ELP4: variants seen among roughly 807,000 people sequenced by gnomAD.
The protein encoded by ELP4 is elongator acetyltransferase complex subunit 4, also known as elongator complex protein 4.
ELP4 carries 51 observed loss-of-function variants against 48.9 expected under a neutral mutation model. The ratio of observed to expected loss-of-function variants is 1.04; its 90% CI spans 0.83 to 1.32. ELP4 has a LOEUF of 1.32. Among genes scored for constraint, ELP4 ranks in the 40% most tolerant of loss-of-function variants. The pLI is 0.00. For missense variants in ELP4, 519 were observed against 514.6 expected (o/e 1.01, Z -0.08); for synonymous variants, 210 against 189.2 (o/e 1.11, Z -0.90).
chr11:31,677,950 A>G (rs565464702), intron 9 of ELP4, among the ~76,000 whole-genome samples: 73 of 152,296 alleles, frequency 4.8e-4, no homozygotes, highest in South Asian at 2.3e-3. Context: ...TTCCCATCAC[A>G]GTATCATATG....
intron 6 of ELP4, among the ~76,000 whole-genome samples, chr11:31,631,225 AGTTG>A (rs1283836968): frequency 2.6e-5 from 4 of 152,160 alleles, no homozygotes; most frequent in African/African-American, 9.7e-5. Context: ...GACAATAACT[AGTTG>A]GTTAATAAAT....
chr11:31,669,842 A>G (rs922928681), intron 9 of ELP4, among the ~76,000 whole-genome samples: 1 of 152,124 alleles, frequency 6.6e-6, no homozygotes, highest in African/African-American at 2.4e-5. Context: ...CCAAACCCAA[A>G]CTAAACTGTT....
rs375703526 is a variant in ELP4 at position 31,650,084 on chromosome 11, A to T, written c.1037-31A>T. On this transcript the variant is annotated intron_variant, in intron 8 of 9. Transcript: ENST00000640961. ...TATGCATCTGATGACAATGTTTTAA[A>T]TTTTTTTTCTTTTAATTTCTTTTCC... 297 of 924,604 alleles carry T rather than the reference A, an allele frequency of 3.2e-4. 1 individual carries two copies. The African/African-American group carries it at 3.8e-3, about 12-fold the overall frequency. 57.3% of individuals were successfully genotyped at this position (924,604 alleles called of 1,614,324 possible).
At chr11:31,753,630 G>C (rs12292801) in intron 9 of ELP4, among the ~76,000 whole-genome samples, 2,874 of 152,266 alleles carry the variant, frequency 0.019, 96 homozygotes, top group African/African-American at 0.065. Context: ...AATTCCACTT[G>C]TGGATATACA....
intron 9 of ELP4, among the ~76,000 whole-genome samples, chr11:31,744,318 G>A (rs1947527307): frequency 1.3e-5 from 2 of 152,180 alleles, no homozygotes; most frequent in Admixed American, 6.5e-5. Context: ...GAGGTACAAG[G>A]AGGAGCTGGT....
intron 3 of ELP4, among the ~76,000 whole-genome samples, chr11:31,579,893 C>T (rs926524340): frequency 3.3e-5 from 5 of 151,730 alleles, no homozygotes; most frequent in African/African-American, 9.7e-5. Context: ...ATGTAACAAA[C>T]CTGCACATTG....
chr11:31,653,263 TC>T (rs1945360584), intron 9 of ELP4: 1 of 151,728 alleles, frequency 6.6e-6, no homozygotes, highest in African/African-American at 2.4e-5. Flanking sequence ...TAAGTAAAAG[TC>T]AAAGTTTGAA....
At chr11:31,582,247 A>T (rs1409592499) in intron 3 of ELP4, among the ~76,000 whole-genome samples, 2 of 152,196 alleles carry the variant, frequency 1.3e-5, no homozygotes, top group Non-Finnish European at 2.9e-5. Context: ...TTGAGGATTA[A>T]ATATGTTCAT....
At chr11:31,545,347 CAGT>C (rs1349556636) in intron 3 of ELP4, among the ~76,000 whole-genome samples, 1 of 152,106 alleles carries the variant, frequency 6.6e-6, no homozygotes, top group Non-Finnish European at 1.5e-5. Context: ...GCAGAAGCCT[CAGT>C]AGCCGATGCG....
chr11:31,649,955 A>G (rs765676139), intron 8 of ELP4, 160 bp from the exon 9 acceptor site: 1 of 453,520 alleles, frequency 2.2e-6, no homozygotes, highest in Non-Finnish European at 4.0e-6. Flanking sequence ...ACTTGAGTAT[A>G]ATCACACCAT....
intron 2 of ELP4, among the ~76,000 whole-genome samples, chr11:31,533,500 G>T (rs1451060542): frequency 6.9e-6 from 1 of 144,336 alleles, no homozygotes; most frequent in Non-Finnish European, 1.5e-5. Context: ...GCCTCAGCCT[G>T]CCAAGTAGCT....
At chr11:31,553,763 CA>C (rs879840240) in intron 3 of ELP4, among the ~76,000 whole-genome samples, 346 of 151,462 alleles carry the variant, frequency 2.3e-3, no homozygotes, top group African/African-American at 6.9e-3. Context: ...CACACACACA[CA>C]CCCTATTGGT....
At chr11:31,732,452 G>A (rs1169997436) in intron 9 of ELP4, among the ~76,000 whole-genome samples, 2 of 134,362 alleles carry the variant, frequency 1.5e-5, no homozygotes, top group Non-Finnish European at 3.2e-5. Context: ...AATGATAAAG[G>A]AATCAAAGCA....
intron 3 of ELP4, among the ~76,000 whole-genome samples, chr11:31,558,805 C>T (rs1956969986): frequency 1.3e-5 from 2 of 152,012 alleles, no homozygotes; most frequent in African/African-American, 4.8e-5. Context: ...AAATGAATAA[C>T]CCATTCTTAG....
At chr11:31,518,936 T>C (rs1956165017) in intron 1 of ELP4, among the ~76,000 whole-genome samples, 1 of 149,648 alleles carries the variant, frequency 6.7e-6, no homozygotes, top group Admixed American at 6.7e-5. Context: ...CTCAGCCTCC[T>C]GAGTAGCTGG....
intron 9 of ELP4, among the ~76,000 whole-genome samples, chr11:31,737,881 A>T (rs542312162): frequency 6.6e-6 from 1 of 152,298 alleles, no homozygotes; most frequent in African/African-American, 2.4e-5. Context: ...AACAGTGTGG[A>T]GGTTCCTCAA....
chr11:31,585,384 GA>G (rs1191060139), intron 3 of ELP4, among the ~76,000 whole-genome samples: 1 of 151,374 alleles, frequency 6.6e-6, no homozygotes, highest in Non-Finnish European at 1.5e-5. Flanking sequence ...GTTAACACAG[GA>G]ACCTACATTT....
At chr11:31,634,525 A>C (rs1944931684) in intron 7 of ELP4, among the ~76,000 whole-genome samples, 1 of 152,010 alleles carries the variant, frequency 6.6e-6, no homozygotes, top group East Asian at 1.9e-4. Flanking sequence ...CATCTTTATT[A>C]CTTAAGGAAG....
At chr11:31,624,368 T>C (rs1297101116) in intron 5 of ELP4, among the ~76,000 whole-genome samples, 1 of 151,742 alleles carries the variant, frequency 6.6e-6, no homozygotes, top group Non-Finnish European at 1.5e-5. Context: ...GTTACTGGAC[T>C]GAATAGGCAA....
Sources: gnomAD v4.1 joint callset for allele counts (sites outside exome capture counted in the v4.1 genomes callset) on GRCh38, gnomAD v4.1.1 for gene constraint, MANE v1.5 for transcripts, NCBI Gene and HGNC (gene_info 2026-07-23, HGNC 2026-07-21) for gene names.